The following DLC1 variants were observed in gnomAD, a reference collection of about 807,000 sequenced individuals.
DLC1 encodes the protein rho GTPase-activating protein 7.
A neutral mutation model predicts 140.3 loss-of-function variants in DLC1; 54 were observed. The ratio of observed to expected loss-of-function variants is 0.38; its 90% CI spans 0.31 to 0.48. The LOEUF (loss-of-function observed/expected upper bound fraction) is 0.48. Among genes scored for constraint, DLC1 ranks in the 20% least tolerant of loss-of-function variants. The pLI is 0.96. For synonymous variants in DLC1, 986 were observed against 728.1 expected (o/e 1.35, Z -5.70); for missense variants, 2,536 against 1,907.0 (o/e 1.33, Z -6.14).
chr8:13,334,742 A>T (rs753961789), intron 4 of DLC1, among the ~76,000 whole-genome samples: 18 of 152,210 alleles, frequency 1.2e-4, no homozygotes, highest in Non-Finnish European at 2.2e-4. Context: ...ATCAGAAGGT[A>T]CAGAGGGAAA....
At chr8:13,181,248 G>A (rs1826014410) in intron 5 of DLC1, among the ~76,000 whole-genome samples, 1 of 151,464 alleles carries the variant, frequency 6.6e-6, no homozygotes, top group African/African-American at 2.4e-5. Flanking sequence ...CCCCCAGCAA[G>A]CACATGGCTG....
At chr8:13,427,995 G>C (rs969290171) in intron 2 of DLC1, among the ~76,000 whole-genome samples, 1 of 152,152 alleles carries the variant, frequency 6.6e-6, no homozygotes, top group African/African-American at 2.4e-5. Flanking sequence ...TTTGCTTGCA[G>C]AGAGACAACA....
At chr8:13,562,084 G>T (rs1262816389) in intron 1 of DLC1, among the ~76,000 whole-genome samples, 1 of 151,972 alleles carries the variant, frequency 6.6e-6, no homozygotes, top group Non-Finnish European at 1.5e-5. Context: ...TTTGGTGGTG[G>T]TTACAGAACC....
At chr8:13,446,700 G>A (rs1400300965) in intron 2 of DLC1, among the ~76,000 whole-genome samples, 4 of 152,062 alleles carry the variant, frequency 2.6e-5, no homozygotes, top group East Asian at 1.9e-4. Flanking sequence ...CAGCACTTTC[G>A]GAGGCCAAGG....
intron 1 of DLC1, among the ~76,000 whole-genome samples, chr8:13,579,189 GTC>G (rs2117436736): frequency 7.5e-6 from 1 of 133,376 alleles, no homozygotes; most frequent in African/African-American, 2.8e-5. Context: ...GAACAAAAGA[GTC>G]TCCTAGCACC....
At chr8:13,257,136 A>G (rs953486689) in intron 5 of DLC1, among the ~76,000 whole-genome samples, 16 of 152,096 alleles carry the variant, frequency 1.1e-4, no homozygotes, top group Non-Finnish European at 1.5e-5. Flanking sequence ...ATAGTTGTCC[A>G]TGGTGGTCAT....
At chr8:13,439,666 T>C (rs927566680) in intron 2 of DLC1, among the ~76,000 whole-genome samples, 6 of 152,258 alleles carry the variant, frequency 3.9e-5, no homozygotes, top group African/African-American at 1.2e-4. Context: ...CTCTATTACT[T>C]TGGAGATTTA....
chr8:13,344,014 T>C (rs1252524443), intron 4 of DLC1, among the ~76,000 whole-genome samples: 2 of 152,186 alleles, frequency 1.3e-5, no homozygotes, highest in African/African-American at 4.8e-5. Flanking sequence ...CTGGCAAAGA[T>C]TTCTCAGAAT....
At chr8:13,187,040 G>A (rs1054856855) in intron 5 of DLC1, among the ~76,000 whole-genome samples, 2 of 152,138 alleles carry the variant, frequency 1.3e-5, no homozygotes, top group African/African-American at 2.4e-5. Flanking sequence ...CCTTCCTCTG[G>A]AAGCTTCGTG....
chr8:13,530,062 A>T (rs964341935), intron 1 of DLC1, among the ~76,000 whole-genome samples: 1 of 152,204 alleles, frequency 6.6e-6, no homozygotes, highest in African/African-American at 2.4e-5. Context: ...AGCAAGGGGC[A>T]CATCTGTGCA....
chr8:13,090,565 GGT>G lies in DLC1; in HGVS notation c.3856-97_3856-96del, dbSNP rs1045267832. 2.0e-4 allele frequency: 286 copies of G among 1,433,498 alleles called. 1 individual carries two copies. Among genetic ancestry groups the G allele is most frequent in the Middle Eastern group, 1.0e-3 (4 of 3,956 alleles). 88.8% of individuals were successfully genotyped at this position (1,433,498 alleles called of 1,614,324 possible). A position where few individuals can be genotyped will look rare whatever the true frequency, so the allele number is the denominator to read the frequency against. On this transcript the variant is annotated intron_variant, in intron 14 of 17. Transcript: ENST00000276297. ...AAAGACTGGGTAGGAACAATGGCCT[GGT>G]CCTTAAAGCAGTGCAGGCATCTTCC...
intron 2 of DLC1, among the ~76,000 whole-genome samples, chr8:13,475,742 C>T (rs1260831531): frequency 6.6e-6 from 1 of 152,160 alleles, no homozygotes; most frequent in African/African-American, 2.4e-5. Flanking sequence ...GACTGAGGTA[C>T]ATGAGGCTAA....
At chr8:13,241,410 G>A (rs1291198984) in intron 5 of DLC1, among the ~76,000 whole-genome samples, 1 of 152,074 alleles carries the variant, frequency 6.6e-6, no homozygotes, top group African/African-American at 2.4e-5. Flanking sequence ...CTGATTTGGG[G>A]TACATTTTTT....
intron 5 of DLC1, among the ~76,000 whole-genome samples, chr8:13,154,855 G>A (rs78193339): frequency 0.017 from 2,600 of 152,250 alleles, 68 homozygotes; most frequent in African/African-American, 0.059. Flanking sequence ...TTAGAAATAA[G>A]CGCTATTAAA....
intron 2 of DLC1, among the ~76,000 whole-genome samples, chr8:13,424,922 A>C (rs1838487985): frequency 6.6e-6 from 1 of 152,200 alleles, no homozygotes; most frequent in Non-Finnish European, 1.5e-5. Flanking sequence ...TGCTTAGTAC[A>C]TAATGTACCA....
At chr8:13,184,946 G>A (rs1217805936) in intron 5 of DLC1, among the ~76,000 whole-genome samples, 1 of 152,048 alleles carries the variant, frequency 6.6e-6, no homozygotes, top group Admixed American at 6.5e-5. Context: ...GCTCTTTGTA[G>A]GTCTGTAAGG....
intron 4 of DLC1, among the ~76,000 whole-genome samples, chr8:13,306,531 C>G (rs1453461803): frequency 1.3e-5 from 2 of 150,410 alleles, no homozygotes; most frequent in Non-Finnish European, 3.0e-5. Flanking sequence ...AAAGCACACT[C>G]AAATGGGTAT....
intron 4 of DLC1, among the ~76,000 whole-genome samples, chr8:13,347,158 G>A (rs1563271393): frequency 6.6e-6 from 1 of 152,184 alleles, no homozygotes; most frequent in Non-Finnish European, 1.5e-5. Context: ...CACGGAATAT[G>A]TTCCCCTTTG....
At chr8:13,119,684 G>A (rs1263473419) in intron 5 of DLC1, among the ~76,000 whole-genome samples, 2 of 152,138 alleles carry the variant, frequency 1.3e-5, no homozygotes, top group Admixed American at 6.5e-5. Context: ...AAGCGAGGTG[G>A]CTCACACCTG....
Sources: allele counts gnomAD v4.1 joint callset (sites outside exome capture counted in the v4.1 genomes callset), GRCh38; gene constraint gnomAD v4.1.1; transcripts MANE v1.5; gene names NCBI Gene and HGNC (gene_info 2026-07-23, HGNC 2026-07-21).